The following CREB1 variants were observed in gnomAD, a reference collection of about 807,000 sequenced individuals.
CREB1 encodes cyclic AMP-responsive element-binding protein 1.
CREB1 carries 2 observed loss-of-function variants against 42.0 expected under a neutral mutation model. That is an observed-to-expected ratio of 0.05 (90% confidence interval 0.02 to 0.15). The LOEUF (loss-of-function observed/expected upper bound fraction) is 0.15, where lower values mean the gene tolerates loss of function less well. CREB1 is among the 10% of genes least tolerant of loss of function. The pLI is 1.00. For synonymous variants in CREB1, 123 were observed against 139.9 expected (o/e 0.88, Z 0.85); for missense variants, 199 against 388.9 (o/e 0.51, Z 4.11).
At chr2:207,582,047 G>A (rs1231165975) in intron 7 of CREB1, 4 of 699,806 alleles carry the variant, frequency 5.7e-6, no homozygotes, top group Non-Finnish European at 7.8e-6. Flanking sequence ...CATAATTGGC[G>A]ATATTAACTT....
chr2:207,568,249 C>A (rs1016176845), intron 4 of CREB1: 1 of 151,700 alleles, frequency 6.6e-6, no homozygotes, highest in African/African-American at 2.4e-5. Flanking sequence ...TGGTTTTTTC[C>A]CCCCGCTTGG....
intron 1 of CREB1, among the ~76,000 whole-genome samples, chr2:207,552,371 A>T (rs1378268133): frequency 1.3e-5 from 2 of 152,124 alleles, no homozygotes; most frequent in South Asian, 4.1e-4. Context: ...TGTTGTAAAT[A>T]AAAATGAAAG....
At chr2:207,590,738 G>A (rs1390713578) in intron 7 of CREB1, among the ~76,000 whole-genome samples, 5 of 152,082 alleles carry the variant, frequency 3.3e-5, no homozygotes, top group East Asian at 1.9e-4. Context: ...CCAAAGCAGC[G>A]ATGGATAATA....
intron 3 of CREB1, among the ~76,000 whole-genome samples, chr2:207,560,691 A>C (rs2081923472): frequency 6.6e-6 from 1 of 152,226 alleles, no homozygotes; most frequent in Non-Finnish European, 1.5e-5. Flanking sequence ...GAAAATTGAG[A>C]TGCAAAAATA....
chr2:207,544,485 A>T (rs1457860058), intron 1 of CREB1, among the ~76,000 whole-genome samples: 1 of 152,108 alleles, frequency 6.6e-6, no homozygotes, highest in East Asian at 1.9e-4. Context: ...ATACCTGTCA[A>T]GCTCTTTCAT....
intron 1 of CREB1, among the ~76,000 whole-genome samples, chr2:207,542,660 G>A (rs1296272335): frequency 6.6e-6 from 1 of 152,072 alleles, no homozygotes; most frequent in Non-Finnish European, 1.5e-5. Flanking sequence ...TAATTTTTAT[G>A]ATTTCCGGTT....
At chr2:207,582,133 C>G in intron 7 of CREB1, 1 of 702,872 alleles carries the variant, frequency 1.4e-6, no homozygotes, top group South Asian at 1.5e-5. Context: ...AGCCCATATT[C>G]AAGGGGAGGA....
chr2:207,555,099 G>C (rs988993223), intron 1 of CREB1, among the ~76,000 whole-genome samples: 1 of 152,046 alleles, frequency 6.6e-6, no homozygotes, highest in Non-Finnish European at 1.5e-5. Flanking sequence ...GGCTTGAAAC[G>C]GGCTGATTTT....
intron 4 of CREB1, 167 bp downstream of exon 4, chr2:207,567,730 T>G (rs921256612): frequency 2.1e-6 from 1 of 466,000 alleles, no homozygotes; most frequent in Non-Finnish European, 3.9e-6. Flanking sequence ...TCCTACAGAA[T>G]AAGAAGAGCA....
chr2:207,554,954 A>G (rs377041010), intron 1 of CREB1, among the ~76,000 whole-genome samples: 2 of 152,152 alleles, frequency 1.3e-5, no homozygotes, highest in African/African-American at 4.8e-5. Flanking sequence ...GTGTATTCTC[A>G]GCTACTCCAG....
chr2:207,548,398 T>A (rs540243653), intron 1 of CREB1, among the ~76,000 whole-genome samples: 1 of 152,224 alleles, frequency 6.6e-6, no homozygotes, highest in South Asian at 2.1e-4. Flanking sequence ...ACTTAAACAG[T>A]TTCTCTGAGC....
intron 7 of CREB1, among the ~76,000 whole-genome samples, chr2:207,590,082 AGT>A (rs1491258704): frequency 1.0e-5 from 1 of 95,562 alleles, no homozygotes; most frequent in African/African-American, 4.5e-5. Flanking sequence ...TATTTTGAGA[AGT>A]TTTTTTTTTT....
At chr2:207,548,446 A>C (rs758546937) in intron 1 of CREB1, among the ~76,000 whole-genome samples, 2 of 152,110 alleles carry the variant, frequency 1.3e-5, no homozygotes, top group Non-Finnish European at 1.5e-5. Context: ...TGTTTTCTTA[A>C]ATAATATTGA....
At chr2:207,589,526 A>C (rs1160787209) in intron 7 of CREB1, among the ~76,000 whole-genome samples, 2 of 152,162 alleles carry the variant, frequency 1.3e-5, no homozygotes, top group Admixed American at 6.5e-5. Context: ...TAACATACTC[A>C]CACACTGCAG....
chr2:207,545,562 T>G (rs529520792), intron 1 of CREB1, among the ~76,000 whole-genome samples: 18 of 151,786 alleles, frequency 1.2e-4, no homozygotes, highest in Admixed American at 9.2e-4. Context: ...AGTATGGGAC[T>G]ACTACTATGT....
At chr2:207,552,200 A>C (rs1317689151) in intron 1 of CREB1, among the ~76,000 whole-genome samples, 1 of 152,142 alleles carries the variant, frequency 6.6e-6, no homozygotes, top group Non-Finnish European at 1.5e-5. Context: ...TGTGGAGGGA[A>C]GAGGATGAAA....
Position 207,560,328 on chromosome 2 carries a change from G to A in CREB1, c.217G>A (p.Ala73Thr), listed in dbSNP as rs2081907001. Residue 73 changes from alanine to threonine, a missense_variant, in exon 3 of 8, where the codon GCC (alanine) becomes ACC (threonine). By Grantham distance (58) the Ala-to-Thr change is moderately conservative. Coordinates refer to ENST00000353267, the MANE Select transcript of CREB1 (RefSeq NM_004379.5). Reference sequence around the variant, plus strand: ...TCAAGTCCATGGAGTCATTCAGGCGGCCCAGCCATCAGTTATTCAGTCTCC... The same window carrying A: ...TCAAGTCCATGGAGTCATTCAGGCGACCCAGCCATCAGTTATTCAGTCTCC... ...TVQVHGVIQAAQPSVIQSPQV... is the reference protein window; with the variant it reads ...TVQVHGVIQATQPSVIQSPQV... 6.2e-7 allele frequency: 1 copy of A among 1,613,788 alleles called. No individual in the cohort carries two copies. The highest frequency in any genetic ancestry group is 8.5e-7 in the Non-Finnish European group (1 of 1,179,878).
At position 207,559,315 on chromosome 2, in the gene CREB1, A is replaced by ATAGCCTCCCCTTCTCTTAGGTTGG. The variant is rs2081864138; in HGVS notation, c.115-910_115-887dup. 4 of 979,352 alleles carry ATAGCCTCCCCTTCTCTTAGGTTGG rather than the reference A, an allele frequency of 4.1e-6. No homozygotes were observed. The South Asian group carries it at 1.9e-4, about 46-fold the overall frequency. 60.7% of individuals were successfully genotyped at this position (979,352 alleles called of 1,614,324 possible). On this transcript the variant is annotated intron_variant, in intron 2 of 7. Transcript: ENST00000353267. ...TGTTTTAAATTCACATTCTTCCCTG[A>ATAGCCTCCCCTTCTCTTAGGTTGG]TAGCCTCCCCTTCTCTTAGGTTGGG...
At chr2:207,549,979 A>C (rs1209251529) in intron 1 of CREB1, among the ~76,000 whole-genome samples, 2 of 152,186 alleles carry the variant, frequency 1.3e-5, no homozygotes, top group Non-Finnish European at 2.9e-5. Flanking sequence ...CAAAAAAAAA[A>C]AAAAGAGAGA....
Sources: gnomAD v4.1 joint callset for allele counts (sites outside exome capture counted in the v4.1 genomes callset) on GRCh38, gnomAD v4.1.1 for gene constraint, MANE v1.5 for transcripts, NCBI Gene and HGNC (gene_info 2026-07-23, HGNC 2026-07-21) for gene names.